The following DST variants were observed in gnomAD, a reference collection of about 807,000 sequenced individuals.
DST encodes the protein bullous pemphigoid antigen.
A neutral mutation model predicts 875.2 loss-of-function variants in DST; 253 were observed. That is an observed-to-expected ratio of 0.29 (90% CI 0.26 to 0.32). DST has a LOEUF of 0.32. Ranked by LOEUF, DST falls within the 10% of genes least tolerant of loss-of-function variation. The pLI, the probability that DST is intolerant of heterozygous loss-of-function variation, is 1.00. For missense variants in DST, 8,287 were observed against 9,111.6 expected (o/e 0.91, Z 3.68); for synonymous variants, 3,124 against 3,197.1 (o/e 0.98, Z 0.77).
chr6:56,831,312 C>T (rs2099786672), intron 4 of DST, among the ~76,000 whole-genome samples: 1 of 152,150 alleles, frequency 6.6e-6, no homozygotes, highest in Admixed American at 6.5e-5. Context: ...TATGTATAAG[C>T]AAAATCTATC....
intron 49 of DST, 87 bp downstream of exon 49, chr6:56,592,095 C>G: frequency 8.0e-7 from 1 of 1,254,322 alleles, no homozygotes; most frequent in African/African-American, 1.5e-5. Flanking sequence ...GTTCCCCTCT[C>G]TTAGCTGAAA....
chr6:56,675,827 G>C (rs993015147), intron 9 of DST, among the ~76,000 whole-genome samples: 8 of 151,976 alleles, frequency 5.3e-5, no homozygotes, highest in Non-Finnish European at 4.4e-5. Flanking sequence ...ACTCCAGCCT[G>C]GTGAGAGAGC....
rs768494219 is a variant in DST at position 56,597,846 on chromosome 6, G to A, written c.12089C>T (p.Ala4030Val). 1 of 1,613,878 alleles carries A rather than the reference G, an allele frequency of 6.2e-7. No homozygotes were observed. Reference protein sequence around the residue: ...THFQEGDGKSAIGEEDEVNGN... With the variant: ...THFQEGDGKSVIGEEDEVNGN... ...ATTAACTTCATCCTCTTCTCCAATT[G>A]CTGACTTGCCATCACCTTCTTGAAA... Residue 4030 changes from alanine (A) to valine (V), a missense_variant, in exon 47 of 104, where the codon GCA becomes GTA. By Grantham distance (64) the Ala-to-Val change is moderately conservative. Transcript: ENST00000680361.
At chr6:56,482,463 C>T (rs1582715839) in intron 89 of DST, 1 of 532,150 alleles carries the variant, frequency 1.9e-6, no homozygotes, top group African/African-American at 1.9e-5. Context: ...ATTACTCACG[C>T]AGCACTTGTA....
intron 2 of DST, 109 bp from the exon 3 acceptor site, chr6:56,900,730 A>T (rs772633924): frequency 4.0e-6 from 3 of 755,528 alleles, no homozygotes; most frequent in African/African-American, 1.8e-5. Flanking sequence ...ATTCAGTGAG[A>T]TCACGTGCAC....
rs2097513958 is a variant in DST at position 56,560,165 on chromosome 6, TAG to T, written c.14440+127_14440+128del. On this transcript the variant is annotated intron_variant, in intron 58 of 103. Coordinates refer to ENST00000680361, the MANE Select transcript of DST (RefSeq NM_001374736.1). ...TTGAAATGACACTTTATGCAAAAAA[TAG>T]ATTCTGAAACATTAAAGCAAATCCA... is the stretch of plus-strand genomic sequence containing the variant. 3 of 951,228 alleles carry T rather than the reference TAG, an allele frequency of 3.2e-6. No individual in the cohort carries two copies. The East Asian group carries it at 8.5e-5, about 27-fold the overall frequency. 58.9% of individuals were successfully genotyped at this position (951,228 alleles called of 1,614,324 possible). A position where few individuals can be genotyped will look rare whatever the true frequency, so the allele number is the denominator to read the frequency against.
intron 2 of DST, among the ~76,000 whole-genome samples, chr6:56,905,791 G>A (rs149164979): frequency 0.012 from 1,837 of 152,164 alleles, 34 homozygotes; most frequent in East Asian, 0.039. Context: ...TGGGATTACA[G>A]GCACAGGCCA....
intron 9 of DST, among the ~76,000 whole-genome samples, chr6:56,690,024 C>G (rs2099217047): frequency 6.6e-6 from 1 of 152,164 alleles, no homozygotes; most frequent in South Asian, 2.1e-4. Flanking sequence ...AAAGGATCTA[C>G]CTTCTGCCAC....
chr6:56,852,054 CA>C, intron 3 of DST: 1 of 1,417,280 alleles, frequency 7.1e-7, no homozygotes, highest in South Asian at 1.6e-5. Context: ...AAACAAAGCA[CA>C]AATGCAGGAT....
chr6:56,873,061 T>C (rs917427594), intron 3 of DST, among the ~76,000 whole-genome samples: 3 of 152,168 alleles, frequency 2.0e-5, no homozygotes, highest in Admixed American at 6.5e-5. Flanking sequence ...TGATATCCCA[T>C]TGTAGTTTTA....
At chr6:56,709,102 G>A (rs1291969738) in intron 5 of DST, among the ~76,000 whole-genome samples, 1 of 152,088 alleles carries the variant, frequency 6.6e-6, no homozygotes, top group East Asian at 1.9e-4. Context: ...ACATAACAAG[G>A]CTGATACAGC....
At chr6:56,849,753 C>G (rs1764086198) in intron 4 of DST, among the ~76,000 whole-genome samples, 1 of 152,178 alleles carries the variant, frequency 6.6e-6, no homozygotes. Flanking sequence ...CCCTGTCTTT[C>G]TGTCATAACT....
chr6:56,716,698 C>T (rs1355217642), intron 5 of DST, among the ~76,000 whole-genome samples: 1 of 152,132 alleles, frequency 6.6e-6, no homozygotes, highest in African/African-American at 2.4e-5. Flanking sequence ...CTGGGCAGTC[C>T]AGCCTTCAAA....
Position 56,597,934 on chromosome 6 carries a change from C to G in DST, c.12001G>C (p.Asp4001His). The G allele has an allele frequency of 6.2e-7, 1 of 1,613,452 alleles. No homozygotes were observed. The highest frequency in any genetic ancestry group is 1.1e-5 in the South Asian group (1 of 90,966). The change falls in exon 47 of 104, where the codon GAC becomes CAC. Residue 4001 changes from aspartate (D) to histidine (H), a missense_variant. Coordinates refer to ENST00000680361, the MANE Select transcript of DST (RefSeq NM_001374736.1). The stretch of plus-strand genomic sequence containing the variant: ...GTCCCTGCCCTTTCTGAGTCTTTGT[C>G]AACATTTGACAACCAGTCCAAAAGG... ...ENLLDWLSNV[D>H]KDSERAGTKH...
At chr6:56,557,544 G>A (rs1456859724) in intron 58 of DST, 26 bp from the exon 59 acceptor site, 1 of 1,562,864 alleles carries the variant, frequency 6.4e-7, no homozygotes, top group Admixed American at 1.9e-5. Flanking sequence ...TGAAACTGGT[G>A]TTTGACATTT....
chr6:56,510,869 T>C (rs1374955751), intron 73 of DST, among the ~76,000 whole-genome samples: 1 of 152,130 alleles, frequency 6.6e-6, no homozygotes, highest in Non-Finnish European at 1.5e-5. Flanking sequence ...TTAATAATTA[T>C]AACACTTTCC....
At chr6:56,616,752 G>A (rs747963109) in intron 36 of DST, 3 of 1,614,114 alleles carry the variant, frequency 1.9e-6, no homozygotes, top group South Asian at 1.1e-5. Context: ...TTACCTTTTT[G>A]TCTGTCAAGC....
chr6:56,578,767 T>C, intron 50 of DST, 47 bp downstream of exon 50: 1 of 1,600,382 alleles, frequency 6.2e-7, no homozygotes, highest in East Asian at 2.2e-5. Flanking sequence ...GACACCTTTC[T>C]TTAGAATTTA....
intron 68 of DST, among the ~76,000 whole-genome samples, chr6:56,526,954 C>T (rs576840945): frequency 7.9e-5 from 12 of 152,180 alleles, no homozygotes; most frequent in African/African-American, 2.9e-4. Flanking sequence ...TTAAGTGACC[C>T]TCAAAATGAT....
Sources: gnomAD v4.1 joint callset for allele counts (sites outside exome capture counted in the v4.1 genomes callset) on GRCh38, gnomAD v4.1.1 for gene constraint, MANE v1.5 for transcripts, NCBI Gene and HGNC (gene_info 2026-07-23, HGNC 2026-07-21) for gene names.